PAQR3: variants seen among roughly 807,000 people sequenced by gnomAD.
PAQR3 encodes progestin and adipoQ receptor family member 3, also known as Raf kinase trapping to Golgi.
Under a neutral mutation model 41.7 loss-of-function variants are expected in PAQR3, and 39 were observed. That is an observed-to-expected ratio of 0.93 (90% confidence interval 0.72 to 1.22). The LOEUF (loss-of-function observed/expected upper bound fraction) is 1.22. Ranked by LOEUF, PAQR3 falls within the 50% of genes most tolerant of loss-of-function variation. The pLI, the probability that PAQR3 is intolerant of heterozygous loss-of-function variation, is 0.00. For missense variants in PAQR3, 366 were observed against 385.6 expected (o/e 0.95, Z 0.42); for synonymous variants, 140 against 140.6 (o/e 1.00, Z 0.03).
At chr4:78,926,482 A>T in intron 4 of PAQR3, 39 bp downstream of exon 4, 1 of 1,489,980 alleles carries the variant, frequency 6.7e-7, no homozygotes, top group Non-Finnish European at 9.2e-7. Flanking sequence ...ATTGAAAGGA[A>T]AAAAAAAAAG....
rs1436430880 is a variant in PAQR3 at position 78,935,112 on chromosome 4, A to G, written c.348+9T>C. On this transcript the variant is annotated intron_variant, in intron 2 of 5. Coordinates refer to ENST00000512733, the MANE Select transcript of PAQR3 (RefSeq NM_001040202.2). ...CTTTACCAACAGCAGTATTTGTGAA[A>G]TGACTTACCTGGAAGCAGAAAAGAC... The G allele has an allele frequency of 6.2e-7, 1 of 1,611,292 alleles. No individual in the cohort carries two copies. Among genetic ancestry groups the G allele is most frequent in the Non-Finnish European group, 8.5e-7 (1 of 1,179,144 alleles).
chr4:78,900,954 A>AG (rs140256058), intron 11 of PAQR3, among the ~76,000 whole-genome samples: 20,310 of 152,204 alleles, frequency 0.13, 2,510 homozygotes, highest in African/African-American at 0.33. Context: ...GTGGTTTATC[A>AG]AAAGACCATT....
intron 10 of PAQR3, among the ~76,000 whole-genome samples, chr4:78,906,466 G>A (rs1455704543): frequency 2.6e-5 from 4 of 152,168 alleles, no homozygotes; most frequent in Non-Finnish European, 5.9e-5. Flanking sequence ...TGGTATAGAT[G>A]ATTGTGTCTT....
downstream of PAQR3, among the ~76,000 whole-genome samples, chr4:78,909,097 G>C (rs61671866): frequency 0.1 from 11,480 of 114,814 alleles, 651 homozygotes; most frequent in East Asian, 0.26. Flanking sequence ...TTCGCTCTTT[G>C]GCCCAGACTG....
Position 78,911,962 on chromosome 4 carries a change from C to T in PAQR3, c.*8577G>A. ...ACTTGTGGTGCAAAGCATCACTCCA[C>T]ATCAGTCCCAACAGTCCCAACCAGT... On this transcript the variant is annotated 3_prime_UTR_variant, in exon 6 of 6. Transcript: ENST00000512733. The T allele has an allele frequency of 6.2e-7, 1 of 1,614,034 alleles. No individual in the cohort carries two copies. The highest frequency in any genetic ancestry group is 8.5e-7 in the Non-Finnish European group (1 of 1,179,878).
At chr4:78,910,477 C>T (rs1291867550), downstream of PAQR3, 6 of 746,986 alleles carry the variant, frequency 8.0e-6, no homozygotes, top group Non-Finnish European at 1.3e-5. Flanking sequence ...GAAGAATTGA[C>T]AACATTATTT....
chr4:78,933,264 T>C (rs1475178678), intron 2 of PAQR3: 1 of 456,140 alleles, frequency 2.2e-6, no homozygotes, highest in Non-Finnish European at 4.4e-6. Flanking sequence ...CAACAAATAT[T>C]TGTTAACTGA....
In PAQR3 at chr4:78,939,375, C is replaced by T; in HGVS notation, c.-151G>A. 1 of 552,680 alleles carries T rather than the reference C, an allele frequency of 1.8e-6. No homozygotes were observed. The highest frequency in any genetic ancestry group is 4.5e-5 in the East Asian group (1 of 22,148). The allele number at this position is 552,680 out of a possible 1,614,324, so 34.2% of individuals were successfully genotyped here. A position where few individuals can be genotyped will look rare whatever the true frequency, so the allele number is the denominator to read the frequency against. Reference sequence around the variant, plus strand: ...TGCCGCTGCTGCCCAGGGCCCGGCTCTGCGCTCACACCGGCCACTGCCGCC... The same window carrying T: ...TGCCGCTGCTGCCCAGGGCCCGGCTTTGCGCTCACACCGGCCACTGCCGCC... On this transcript the variant is annotated 5_prime_UTR_variant, in exon 1 of 6. Coordinates refer to ENST00000512733, the MANE Select transcript of PAQR3 (RefSeq NM_001040202.2).
intron 2 of PAQR3, among the ~76,000 whole-genome samples, chr4:78,930,981 GTTCATGT>G (rs1056044119): frequency 7.3e-5 from 11 of 151,442 alleles, no homozygotes; most frequent in Non-Finnish European, 1.0e-4. Flanking sequence ...AGTTAAGAAT[GTTCATGT>G]CTGTATGAGA....
At chr4:78,937,485 T>C (rs1286854138) in intron 1 of PAQR3, among the ~76,000 whole-genome samples, 1 of 152,194 alleles carries the variant, frequency 6.6e-6, no homozygotes, top group East Asian at 1.9e-4. Context: ...AGTTTTAAAA[T>C]CAAATAATCA....
At chr4:78,898,552 G>A (rs1733830717) in intron 11 of PAQR3, among the ~76,000 whole-genome samples, 1 of 149,876 alleles carries the variant, frequency 6.7e-6, no homozygotes, top group Admixed American at 6.7e-5. Flanking sequence ...ATACAGTCTA[G>A]AAAGATTACA....
At chr4:78,905,236 T>G (rs763107048) in intron 11 of PAQR3, among the ~76,000 whole-genome samples, 1 of 151,924 alleles carries the variant, frequency 6.6e-6, no homozygotes, top group Non-Finnish European at 1.5e-5. Flanking sequence ...AATCACTGCA[T>G]AATTAGTAAA....
chr4:78,917,195 A>G lies in PAQR3; in HGVS notation c.*3344T>C, dbSNP rs141928639. ...TTTAAGGAAGCCCAGGTCAAGCATC[A>G]TATGTAACATGTAGTTAATATTCTC... On this transcript the variant is annotated 3_prime_UTR_variant, in exon 6 of 6. Coordinates refer to ENST00000512733, the MANE Select transcript of PAQR3 (RefSeq NM_001040202.2). The G allele has an allele frequency of 1.3e-5, 2 of 152,092 alleles. No individual in the cohort carries two copies. The highest frequency in any genetic ancestry group is 6.6e-5 in the Admixed American group (1 of 15,242). 9.4% of individuals were successfully genotyped at this position (152,092 alleles called of 1,614,324 possible).
intron 4 of PAQR3, among the ~76,000 whole-genome samples, chr4:78,924,694 A>G (rs2110142299): frequency 6.9e-6 from 1 of 145,746 alleles, no homozygotes; most frequent in Middle Eastern, 3.5e-3. Flanking sequence ...GTAACATAGT[A>G]AGACACCTCT....
At chr4:78,920,997 C>CA (rs1735610050) in intron 5 of PAQR3, among the ~76,000 whole-genome samples, 1 of 151,746 alleles carries the variant, frequency 6.6e-6, no homozygotes, top group South Asian at 2.1e-4. Context: ...TGAACAACAA[C>CA]AAAAAATTAT....
chr4:78,911,698 G>A (rs762599499), downstream of PAQR3: 3 of 1,613,904 alleles, frequency 1.9e-6, no homozygotes, highest in Admixed American at 3.3e-5. Context: ...TGCACTGACT[G>A]ATGGGAAAGA....
rs1229425213 is a variant in PAQR3, at chr4:78,915,776, A to G, written c.*4763T>C. 6.6e-6 allele frequency: 1 copy of G among 151,988 alleles called. No homozygotes were observed. The highest frequency in any genetic ancestry group is 1.5e-5 in the Non-Finnish European group (1 of 67,902). The allele number at this position is 151,988 out of a possible 1,614,324, so 9.4% of individuals were successfully genotyped here. ...AGCTACTAAGAGAATAAGGTAGATG[A>G]TAATGCAAAGGGTCATGATTTGGGG... On this transcript the variant is annotated 3_prime_UTR_variant, in exon 6 of 6. Transcript: ENST00000512733.
Position 78,918,774 on chromosome 4 carries a change from C to A in PAQR3, c.*1765G>T. 1.0e-6 allele frequency: 1 copy of A among 984,076 alleles called. No homozygotes were observed. Among genetic ancestry groups the A allele is most frequent in the Non-Finnish European group, 1.2e-6 (1 of 828,898 alleles). The allele number at this position is 984,076 out of a possible 1,614,324, so 61.0% of individuals were successfully genotyped here. A position where few individuals can be genotyped will look rare whatever the true frequency, so the allele number is the denominator to read the frequency against. On this transcript the variant is annotated 3_prime_UTR_variant, in exon 6 of 6. Coordinates refer to ENST00000512733, the MANE Select transcript of PAQR3 (RefSeq NM_001040202.2). ...ATAATGATTTTCCCCTCATTTTTAA[C>A]TTAAGTGTAACTACTCAGTGTCTTT...
At chr4:78,930,112 G>A in intron 3 of PAQR3, 58 bp downstream of exon 3, 1 of 1,480,184 alleles carries the variant, frequency 6.8e-7, no homozygotes, top group Non-Finnish European at 9.1e-7. Context: ...AAGAACCAAG[G>A]CAAGAAAACC....
Sources: allele counts gnomAD v4.1 joint callset (sites outside exome capture counted in the v4.1 genomes callset), GRCh38; gene constraint gnomAD v4.1.1; transcripts MANE v1.5; gene names NCBI Gene and HGNC (gene_info 2026-07-23, HGNC 2026-07-21).